TANC2: variants seen among roughly 807,000 people sequenced by gnomAD.
The protein encoded by TANC2 is tetratricopeptide repeat, ankyrin repeat and coiled-coil containing 2.
In TANC2, 26 loss-of-function variants were observed where a neutral mutation model predicts 210.5. The observed-to-expected ratio is 0.12, with a 90% CI of 0.09 to 0.17. TANC2 has a LOEUF of 0.17. Among genes scored for constraint, TANC2 ranks in the 10% least tolerant of loss-of-function variants. The probability of loss-of-function intolerance (pLI) is 1.00; values close to 1 mark genes in which losing one functional copy is unlikely to be tolerated. For missense variants in TANC2, 2,129 were observed against 2,608.9 expected (o/e 0.82, Z 4.01); for synonymous variants, 931 against 967.1 (o/e 0.96, Z 0.69).
chr17:63,279,012 G>T (rs1416519347), intron 9 of TANC2, among the ~76,000 whole-genome samples: 1 of 152,040 alleles, frequency 6.6e-6, no homozygotes, highest in African/African-American at 2.4e-5. Context: ...AAGTTCTAGA[G>T]GTCTGCTGTA....
intron 2 of TANC2, among the ~76,000 whole-genome samples, chr17:63,063,940 T>A (rs2036102169): frequency 1.3e-5 from 2 of 152,182 alleles, no homozygotes; most frequent in South Asian, 4.1e-4. Context: ...TGTGGGCTTT[T>A]ATCTATATTC....
chr17:63,348,039 A>G (rs1416314944), intron 12 of TANC2, among the ~76,000 whole-genome samples: 2 of 152,192 alleles, frequency 1.3e-5, no homozygotes, highest in Non-Finnish European at 2.9e-5. Context: ...AAGTGTTGGG[A>G]TTACAGATGT....
intron 21 of TANC2, 26 bp from the exon 22 acceptor site, chr17:63,411,485 C>T: frequency 6.3e-7 from 1 of 1,593,872 alleles, no homozygotes; most frequent in Non-Finnish European, 8.5e-7. Flanking sequence ...GTCTCCTCAG[C>T]CCTGTGCTAT....
At chr17:63,358,376 A>ATGTGTGTGT (rs1555641222) in intron 14 of TANC2, among the ~76,000 whole-genome samples, 89 of 81,028 alleles carry the variant, frequency 1.1e-3, no homozygotes, top group African/African-American at 2.6e-3. Flanking sequence ...AGAGAGAGAG[A>ATGTGTGTGT]GTATGTGTGT....
At chr17:63,259,671 C>T (rs968349341) in intron 8 of TANC2, among the ~76,000 whole-genome samples, 2 of 152,108 alleles carry the variant, frequency 1.3e-5, no homozygotes, top group African/African-American at 4.8e-5. Flanking sequence ...TTTTAATAAA[C>T]GAACTCTCCT....
At chr17:63,345,036 A>G (rs2046355046) in intron 12 of TANC2, among the ~76,000 whole-genome samples, 3 of 152,194 alleles carry the variant, frequency 2.0e-5, no homozygotes, top group Admixed American at 2.0e-4. Flanking sequence ...GCCACCAAAC[A>G]TATGCTTGAA....
rs559189940 is a variant in TANC2 at position 63,041,264 on chromosome 17, A to G, written c.67+31638A>G. On this transcript the variant is annotated intron_variant, in intron 2 of 27. Coordinates refer to ENST00000689528, the Ensembl canonical transcript of TANC2. ...GAATAACACAAAAGAGTAATGTGAG[A>G]TTTTTTATGTCAAGTTTAGTGACAG... is the stretch of plus-strand genomic sequence containing the variant. 1.2e-4 allele frequency among the ~76,000 whole-genome samples: 19 copies of G among 152,288 alleles called. No individual in the cohort carries two copies. The East Asian group carries it at 3.3e-3, about 26-fold the overall frequency.
intron 7 of TANC2, among the ~76,000 whole-genome samples, chr17:63,210,590 A>G (rs1010091963): frequency 6.6e-6 from 1 of 152,174 alleles, no homozygotes; most frequent in Non-Finnish European, 1.5e-5. Flanking sequence ...TGGTTTATGT[A>G]AGAAGTCTTT....
At chr17:63,339,169 G>A (rs1025100968) in intron 11 of TANC2, 1 of 152,340 alleles carries the variant, frequency 6.6e-6, no homozygotes. Context: ...TGACATTGCT[G>A]TGATTAGTAG....
chr17:63,091,540 T>G (rs1252096900), intron 3 of TANC2, among the ~76,000 whole-genome samples: 1 of 152,206 alleles, frequency 6.6e-6, no homozygotes, highest in Non-Finnish European at 1.5e-5. Context: ...GTATTATTTC[T>G]GAGGGCTCTG....
At chr17:63,209,526 C>T (rs571509405) in intron 7 of TANC2, among the ~76,000 whole-genome samples, 3 of 152,162 alleles carry the variant, frequency 2.0e-5, no homozygotes, top group South Asian at 2.1e-4. Context: ...CTCCACCTCC[C>T]GAGTTCAAGT....
intron 1 of TANC2, among the ~76,000 whole-genome samples, chr17:62,996,465 G>A (rs1237536569): frequency 6.6e-6 from 1 of 151,802 alleles, no homozygotes; most frequent in Admixed American, 6.6e-5. Flanking sequence ...CCTCACAGTC[G>A]ATTTCTGTCC....
chr17:63,236,970 T>G (rs957799135), intron 7 of TANC2, among the ~76,000 whole-genome samples: 2 of 152,226 alleles, frequency 1.3e-5, no homozygotes, highest in African/African-American at 4.8e-5. Flanking sequence ...GCAGATATCT[T>G]TTTGACATAT....
intron 14 of TANC2, among the ~76,000 whole-genome samples, chr17:63,361,685 G>A (rs546690019): frequency 4.6e-5 from 7 of 152,264 alleles, no homozygotes; most frequent in East Asian, 3.9e-4. Context: ...CCTTCTCATC[G>A]TCCACAATGT....
intron 14 of TANC2, among the ~76,000 whole-genome samples, chr17:63,362,451 C>G (rs2046993729): frequency 6.6e-6 from 1 of 152,208 alleles, no homozygotes; most frequent in Admixed American, 6.5e-5. Flanking sequence ...TCCTTTCCAC[C>G]CAGGAGCCTG....
chr17:63,323,712 C>G (rs752402201), intron 11 of TANC2, among the ~76,000 whole-genome samples: 8 of 152,162 alleles, frequency 5.3e-5, no homozygotes, highest in Non-Finnish European at 1.0e-4. Flanking sequence ...CTATGAGGTA[C>G]ATCATTATCT....
chr17:63,052,099 A>G (rs977484401), intron 2 of TANC2, among the ~76,000 whole-genome samples: 1 of 152,138 alleles, frequency 6.6e-6, no homozygotes, highest in Non-Finnish European at 1.5e-5. Flanking sequence ...TAGGAAGAGG[A>G]ATGACATCTT....
Position 63,135,381 on chromosome 17 carries a change from CAAAG to C in TANC2, c.323-15883_323-15880del, listed in dbSNP as rs1320195458. Among the ~76,000 whole-genome samples, 5 of 152,096 alleles carry C rather than the reference CAAAG, an allele frequency of 3.3e-5. No individual in the cohort carries two copies. In the South Asian group the frequency reaches 1.0e-3, roughly 32 times the overall value. The stretch of plus-strand genomic sequence containing the variant: ...TATTGAGAAGGTGAGAGTTACTCAA[CAAAG>C]AAAGACAGTGCTAATATTCATCTTA... On this transcript the variant is annotated intron_variant, in intron 4 of 27. Transcript: ENST00000689528.
intron 21 of TANC2, 97 bp downstream of exon 21, chr17:63,406,374 G>T: frequency 6.5e-7 from 1 of 1,538,064 alleles, no homozygotes; most frequent in Non-Finnish European, 8.8e-7. Flanking sequence ...GCTAAGAACA[G>T]ATATTAATCC....
Sources: allele counts gnomAD v4.1 joint callset (sites outside exome capture counted in the v4.1 genomes callset), GRCh38; gene constraint gnomAD v4.1.1; transcripts MANE v1.5; gene names NCBI Gene and HGNC (gene_info 2026-07-23, HGNC 2026-07-21).